The following TOGARAM1 variants were observed in gnomAD, a reference collection of about 807,000 sequenced individuals.
TOGARAM1 encodes TOG array regulator of axonemal microtubules protein 1.
Under a neutral mutation model 166.6 loss-of-function variants are expected in TOGARAM1, and 100 were observed. The observed-to-expected ratio is 0.60, with a 90% CI of 0.51 to 0.71. TOGARAM1 has a LOEUF of 0.71. TOGARAM1 is among the 30% of genes least tolerant of loss of function. TOGARAM1 has a pLI of 0.00. For synonymous variants in TOGARAM1, 758 were observed against 763.8 expected (o/e 0.99, Z 0.13); for missense variants, 2,029 against 2,102.7 (o/e 0.96, Z 0.69).
chr14:45,006,552 T>C, intron 5 of TOGARAM1: 1 of 247,854 alleles, frequency 4.0e-6, no homozygotes, highest in South Asian at 5.7e-5. Flanking sequence ...AATAATAATA[T>C]AGCAATACAC....
At chr14:45,036,130 TAAAAAAAAAAAAA>T (rs770145117) in intron 11 of TOGARAM1, among the ~76,000 whole-genome samples, 1 of 29,158 alleles carries the variant, frequency 3.4e-5, no homozygotes, top group Non-Finnish European at 9.1e-5. Flanking sequence ...ACCTTGTCTC[TAAAAAAAAAAAAA>T]AAAAAAAAAA....
intron 4 of TOGARAM1, among the ~76,000 whole-genome samples, 160 bp from the exon 5 acceptor site, chr14:45,005,848 T>A (rs1887926420): frequency 6.6e-6 from 1 of 152,204 alleles, no homozygotes; most frequent in Admixed American, 6.5e-5. Flanking sequence ...GATCAAATAT[T>A]GTATCGAAAG....
At chr14:45,069,383 A>C (rs1367976870) in intron 18 of TOGARAM1, among the ~76,000 whole-genome samples, 2 of 150,956 alleles carry the variant, frequency 1.3e-5, no homozygotes, top group African/African-American at 4.8e-5. Flanking sequence ...AATTTTAAAA[A>C]ATTAAAAAAA....
chr14:45,001,576 T>C (rs1887690919), intron 3 of TOGARAM1, among the ~76,000 whole-genome samples: 1 of 151,944 alleles, frequency 6.6e-6, no homozygotes. Context: ...AAAAATACAA[T>C]GTGAAAATGG....
intron 3 of TOGARAM1, 123 bp downstream of exon 3, chr14:44,999,620 TA>T: frequency 1.3e-6 from 1 of 797,312 alleles, no homozygotes; most frequent in Non-Finnish European, 1.8e-6. Flanking sequence ...GATTTTGTTA[TA>T]TTTTTAATAA....
intron 3 of TOGARAM1, among the ~76,000 whole-genome samples, chr14:45,003,754 A>G (rs764355726): frequency 4.5e-4 from 55 of 122,626 alleles, no homozygotes; most frequent in Non-Finnish European, 5.7e-4. Context: ...TAAAGAAACA[A>G]GACTTCTCTG....
intron 17 of TOGARAM1, among the ~76,000 whole-genome samples, 153 bp downstream of exon 17, chr14:45,066,920 A>C (rs963395332): frequency 3.3e-5 from 5 of 152,198 alleles, no homozygotes; most frequent in Middle Eastern, 3.2e-3. Flanking sequence ...CTGTCTCTAC[A>C]AAAAAGAAAA....
rs1594644467 is a variant in TOGARAM1 at position 45,004,295 on chromosome 14, G to A, written c.2573G>A (p.Gly858Glu). 3 of 1,614,034 alleles carry A rather than the reference G, an allele frequency of 1.9e-6. No homozygotes were observed. The East Asian group carries it at 6.7e-5, about 36-fold the overall frequency. ...SNSWPLKSFE[G>E]LSKPSPQKKL... is the part of the protein sequence containing the mutation. ...TCCTGGCCTCTTAAAAGCTTCGAAG[G>A]ACTATCAAAGCCAAGTCCACAGAAG... Residue 858 changes from glycine (G) to glutamate (E), a missense_variant, in exon 4 of 20, where the codon GGA (glycine) becomes GAA (glutamate). Gly to Glu is a moderately conservative substitution (Grantham distance 98). Around this residue, in one of 2 missense-constraint regions of TOGARAM1, gnomAD observed 1,453 missense variants for 1,432.2 expected, o/e 1.01. Coordinates refer to ENST00000361462, the MANE Select transcript of TOGARAM1 (RefSeq NM_001308120.2).
chr14:45,064,873 A>G (rs1883065173), intron 16 of TOGARAM1, among the ~76,000 whole-genome samples: 1 of 151,776 alleles, frequency 6.6e-6, no homozygotes, highest in South Asian at 2.1e-4. Flanking sequence ...TATAAGATTG[A>G]TTGAGAGGTA....
chr14:44,962,620 C>G lies in TOGARAM1; in HGVS notation c.199C>G (p.Leu67Val), dbSNP rs758286954. 1.9e-6 allele frequency: 3 copies of G among 1,613,578 alleles called. No individual in the cohort carries two copies. Among genetic ancestry groups the G allele is most frequent in the African/African-American group, 2.7e-5 (2 of 74,936 alleles). The change falls in exon 1 of 20, where the codon CTG (leucine) becomes GTG (valine). Residue 67 changes from leucine (L) to valine (V), a missense_variant. Leu to Val is a conservative substitution (Grantham distance 32). Around this residue, in one of 2 missense-constraint regions of TOGARAM1, gnomAD observed 1,453 missense variants for 1,432.2 expected, o/e 1.01. Coordinates refer to ENST00000361462, the MANE Select transcript of TOGARAM1 (RefSeq NM_001308120.2). ...HGSCPTTTSP[L>V]ASALLMPSEA... The stretch of plus-strand genomic sequence containing the variant: ...TTCCTGCCCCACTACAACTTCGCCT[C>G]TGGCCTCGGCCCTCTTGATGCCCTC...
In TOGARAM1 at chr14:45,028,109, C is replaced by T. The variant is rs866505844; in HGVS notation, c.3505-67C>T. On this transcript the variant is annotated intron_variant, in intron 9 of 19. Transcript: ENST00000361462. ...ATATCCTCAGACACAAATTAGTTAT[C>T]TGAGATGAAGATATTTTAAATATCA... is the stretch of plus-strand genomic sequence containing the variant. 5.8e-4 allele frequency: 800 copies of T among 1,386,690 alleles called. 3 individuals carry two copies. The highest frequency in any genetic ancestry group is 1.9e-3 in the Middle Eastern group (7 of 3,718). 85.9% of individuals were successfully genotyped at this position (1,386,690 alleles called of 1,614,324 possible).
In TOGARAM1 at chr14:45,021,701, C is replaced by T. The variant is rs371618086; in HGVS notation, c.3239-4082C>T. Among the ~76,000 whole-genome samples the T allele has an allele frequency of 2.0e-3, 304 of 152,188 alleles. 2 individuals carry two copies. Among genetic ancestry groups the T allele is most frequent in the African/African-American group, 6.4e-3 (264 of 41,524 alleles). Reference sequence around the variant, plus strand: ...CCGCGGTTGGGGTAGATAAAATGACCGGGTAGCGTCCTTCCCAGGATGTAT... The same window carrying T: ...CCGCGGTTGGGGTAGATAAAATGACTGGGTAGCGTCCTTCCCAGGATGTAT... On this transcript the variant is annotated intron_variant, in intron 7 of 19. Transcript: ENST00000361462.
In TOGARAM1 at chr14:44,962,455, C is replaced by T. The variant is rs1014816249; in HGVS notation, c.34C>T (p.Pro12Ser). 2.9e-5 allele frequency: 46 copies of T among 1,582,988 alleles called. No individual in the cohort carries two copies. The highest frequency in any genetic ancestry group is 3.9e-5 in the Non-Finnish European group (45 of 1,165,040). Residue 12 changes from proline (P) to serine (S), a missense_variant, in exon 1 of 20, where the codon CCG becomes TCG. Around this residue, in one of 2 missense-constraint regions of TOGARAM1, gnomAD observed 1,453 missense variants for 1,432.2 expected, o/e 1.01. Transcript: ENST00000361462. ...TGCCCCCTCCGCGCTGCTTCTGCTG[C>T]CGCCCTTTCCAGTCCTCTCTACCTA... The part of the protein sequence containing the change: ...AAAPSALLLL[P>S]PFPVLSTYRL...
At position 45,016,406 on chromosome 14, in the gene TOGARAM1, G is replaced by T. The variant is rs190607879; in HGVS notation, c.3238+4331G>T. On this transcript the variant is annotated intron_variant, in intron 7 of 19. Transcript: ENST00000361462. ...TGTCTTAAAAGAAAAAAGAAGCCGG[G>T]TGCAGTGGCTCACGCCTGTAATCCT... 2.4e-3 allele frequency among the ~76,000 whole-genome samples: 372 copies of T among 152,284 alleles called. 3 individuals carry two copies. Among genetic ancestry groups the T allele is most frequent in the Non-Finnish European group, 4.3e-3 (295 of 68,028 alleles).
intron 1 of TOGARAM1, among the ~76,000 whole-genome samples, chr14:44,994,771 A>G (rs1887335636): frequency 6.6e-6 from 1 of 152,108 alleles, no homozygotes; most frequent in South Asian, 2.1e-4. Flanking sequence ...TAGTTTTTGA[A>G]GGAGGTAATA....
At chr14:45,046,501 G>C (rs1882074050) in intron 13 of TOGARAM1, 44 bp from the exon 14 acceptor site, 2 of 1,257,290 alleles carry the variant, frequency 1.6e-6, no homozygotes, top group South Asian at 7.3e-5. Context: ...TTGGAGAATA[G>C]TTTATATAAC....
chr14:45,044,671 G>A lies in TOGARAM1; in HGVS notation c.3955G>A (p.Val1319Met). 2 of 1,613,330 alleles carry A rather than the reference G, an allele frequency of 1.2e-6. No homozygotes were observed. The highest frequency in any genetic ancestry group is 1.7e-6 in the Non-Finnish European group (2 of 1,179,750). ...NLRSGVSRAA[V>M]VCLSDLFTYL... ...ACGTTCTGGAGTTTCTCGTGCTGCT[G>A]TGGTCTGTTTAAGTGATCTTTTCAC... Residue 1319 changes from valine (V) to methionine (M), a missense_variant, in exon 13 of 20, where the codon GTG becomes ATG. Val to Met is a conservative substitution (Grantham distance 21). Transcript: ENST00000361462.
At position 44,992,895 on chromosome 14, in the gene TOGARAM1, G is replaced by A. The variant is rs371876969; in HGVS notation, c.2047-2851G>A. Among the ~76,000 whole-genome samples, 353 of 151,574 alleles carry A rather than the reference G, an allele frequency of 2.3e-3. 4 individuals are homozygous for A. Among genetic ancestry groups the A allele is most frequent in the African/African-American group, 8.2e-3 (340 of 41,440 alleles). On this transcript the variant is annotated intron_variant, in intron 1 of 19. Coordinates refer to ENST00000361462, the MANE Select transcript of TOGARAM1 (RefSeq NM_001308120.2). ...GCCTCCCAAAGTGCTGGGATTACAG[G>A]CGTGAGCCACCATGCCCGGCCTAAT...
chr14:45,006,021 A>G lies in TOGARAM1; in HGVS notation c.2658A>G (p.Gln886=), dbSNP rs1264086239. The G allele has an allele frequency of 3.2e-6, 5 of 1,546,786 alleles. No individual in the cohort carries two copies. Among genetic ancestry groups the G allele is most frequent in the Non-Finnish European group, 2.6e-6 (3 of 1,148,024 alleles). The change falls in exon 5 of 20, where the codon CAA becomes CAG. Residue 886 remains glutamine (Q), a synonymous_variant. Transcript: ENST00000361462. ...PTGRNHGENS[Q]EKPPVQLTPA... ...TTTTTCATGCAGGAGAAAATTCTCA[A>G]GAAAAACCTCCAGTTCAGCTTACAC...
Sources: gnomAD v4.1 joint callset for allele counts (sites outside exome capture counted in the v4.1 genomes callset) on GRCh38, gnomAD v4.1.1 for gene constraint, gnomAD v4.1.1 regional missense constraint, MANE v1.5 for transcripts, NCBI Gene and HGNC (gene_info 2026-07-23, HGNC 2026-07-21) for gene names.